The following IL17B variants were observed in gnomAD, a reference collection of about 807,000 sequenced individuals.
The protein encoded by IL17B is interleukin-17B.
IL17B carries 14 observed loss-of-function variants against 14.7 expected under a neutral mutation model. That is an observed-to-expected ratio of 0.95 (90% CI 0.63 to 1.49). The LOEUF is 1.49. IL17B is among the 40% of genes most tolerant of loss of function. IL17B has a pLI of 0.00. For missense variants in IL17B, 233 were observed against 252.8 expected (o/e 0.92, Z 0.53); for synonymous variants, 105 against 94.8 (o/e 1.11, Z -0.62).
At chr5:149,393,178 A>G (rs906594156) in intron 1 of IL17B, among the ~76,000 whole-genome samples, 1 of 152,172 alleles carries the variant, frequency 6.6e-6, no homozygotes, top group South Asian at 2.1e-4. Flanking sequence ...CCAGAAAGTC[A>G]TCCTCTGAGT....
intron 1 of IL17B, among the ~76,000 whole-genome samples, chr5:149,392,090 G>A (rs1758979946): frequency 2.0e-5 from 3 of 152,202 alleles, no homozygotes; most frequent in African/African-American, 7.2e-5. Flanking sequence ...TGAGGGAGGT[G>A]GGTAACGGGA....
At chr5:149,392,987 TGC>T (rs1451019949) in intron 1 of IL17B, among the ~76,000 whole-genome samples, 1 of 121,218 alleles carries the variant, frequency 8.2e-6, no homozygotes, top group Admixed American at 8.1e-5. Context: ...CGTGTGTGTG[TGC>T]GTGTGTGTGC....
intron 1 of IL17B, among the ~76,000 whole-genome samples, chr5:149,394,862 T>C (rs1015755654): frequency 2.6e-5 from 4 of 152,192 alleles, no homozygotes; most frequent in African/African-American, 9.7e-5. Context: ...TATTAAATGT[T>C]CCCATCTTTT....
intron 1 of IL17B, among the ~76,000 whole-genome samples, chr5:149,392,969 CGCGCGTGCGTGT>C (rs1325065911): frequency 2.5e-4 from 14 of 55,934 alleles, no homozygotes; most frequent in Non-Finnish European, 4.9e-4. Context: ...CGTGTGTGTG[CGCGCGTGCGTGT>C]GTGTGTGCGT....
intron 1 of IL17B, among the ~76,000 whole-genome samples, chr5:149,402,315 C>T (rs1347871402): frequency 6.6e-6 from 1 of 152,182 alleles, no homozygotes; most frequent in Non-Finnish European, 1.5e-5. Context: ...GGGCTCCAAG[C>T]CAACCACCCA....
At chr5:149,397,487 T>A (rs2127622642) in intron 1 of IL17B, among the ~76,000 whole-genome samples, 1 of 152,284 alleles carries the variant, frequency 6.6e-6, no homozygotes, top group African/African-American at 2.4e-5. Flanking sequence ...AACTTTTATC[T>A]TTTACCTTAA....
chr5:149,374,281 CAG>C lies in IL17B; in HGVS notation c.*86_*87del. On this transcript the variant is annotated 3_prime_UTR_variant, in exon 3 of 3. Transcript: ENST00000261796. This position sits in a 1 kb window ranked among gnomAD's most constrained non-coding sequence, Gnocchi z 5.0. ...AACCCAAAGTCTTGCTTTCAAAAGTCAGTGTTTACTTTTCATAGGCCTTTCTT... is the reference window on the plus strand; with the variant it reads ...AACCCAAAGTCTTGCTTTCAAAAGTCTGTTTACTTTTCATAGGCCTTTCTT... 1 of 1,289,050 alleles carries C rather than the reference CAG, an allele frequency of 7.8e-7. No homozygotes were observed. Among genetic ancestry groups the C allele is most frequent in the Non-Finnish European group, 1.0e-6 (1 of 954,746 alleles). The allele number at this position is 1,289,050 out of a possible 1,614,324, so 79.9% of individuals were successfully genotyped here.
At chr5:149,388,273 C>G (rs1262174050) in intron 1 of IL17B, among the ~76,000 whole-genome samples, 1 of 152,194 alleles carries the variant, frequency 6.6e-6, no homozygotes. Context: ...GCCCTTCAGT[C>G]TGGCCATCAC....
Position 149,403,602 on chromosome 5 carries a change from A to G in IL17B, n.95+506T>C, listed in dbSNP as rs769923776. Among the ~76,000 whole-genome samples the G allele has an allele frequency of 2.6e-5, 4 of 152,272 alleles. No homozygotes were observed. The Middle Eastern group carries it at 0.014, about 518-fold the overall frequency. On this transcript the variant is annotated intron_variant and non_coding_transcript_variant, in intron 1 of 2. Coordinates refer to the IL17B transcript ENST00000505432. ...CTTTTCAATATAAAATTGTTTCCCAACTGGCCACCTCTGAGCTGAGCCTCC... is the reference window on the plus strand; with the variant it reads ...CTTTTCAATATAAAATTGTTTCCCAGCTGGCCACCTCTGAGCTGAGCCTCC...
chr5:149,403,830 T>C (rs958986525), intron 1 of IL17B, among the ~76,000 whole-genome samples: 1 of 152,214 alleles, frequency 6.6e-6, no homozygotes. Flanking sequence ...CCTTGGTTAG[T>C]TCCACTGGCT....
chr5:149,389,716 C>T (rs189102796), intron 1 of IL17B, among the ~76,000 whole-genome samples: 1 of 152,186 alleles, frequency 6.6e-6, no homozygotes, highest in Non-Finnish European at 1.5e-5. Context: ...ATAAACATTA[C>T]CTTATTAAGG....
intron 1 of IL17B, among the ~76,000 whole-genome samples, chr5:149,401,985 G>A (rs1036437504): frequency 6.6e-6 from 1 of 152,156 alleles, no homozygotes; most frequent in African/African-American, 2.4e-5. Context: ...GGTGCAATTA[G>A]TGTGGCCCGG....
upstream of IL17B, among the ~76,000 whole-genome samples, chr5:149,382,642 C>T (rs1484586102): frequency 6.6e-6 from 1 of 152,260 alleles, no homozygotes; most frequent in Non-Finnish European, 1.5e-5. Flanking sequence ...CTCCTGCACA[C>T]ACTGCTCCCT....
intron 1 of IL17B, among the ~76,000 whole-genome samples, chr5:149,402,928 G>A (rs551600480): frequency 3.0e-4 from 44 of 148,662 alleles, no homozygotes; most frequent in African/African-American, 1.0e-3. Flanking sequence ...GCTTGAACCC[G>A]GGAGGCAGAG....
intron 1 of IL17B, among the ~76,000 whole-genome samples, chr5:149,390,906 G>A (rs1413618733): frequency 2.0e-5 from 3 of 152,032 alleles, no homozygotes; most frequent in African/African-American, 4.8e-5. Flanking sequence ...ATTGTTAGGA[G>A]TTTATGGTCA....
At chr5:149,386,260 C>T (rs941160149) in intron 1 of IL17B, among the ~76,000 whole-genome samples, 3 of 152,134 alleles carry the variant, frequency 2.0e-5, no homozygotes, top group Admixed American at 6.6e-5. Context: ...CTCACAGATG[C>T]GGCTCTCAGC....
At chr5:149,400,824 T>C (rs1195846267) in intron 1 of IL17B, among the ~76,000 whole-genome samples, 1 of 151,804 alleles carries the variant, frequency 6.6e-6, no homozygotes, top group Non-Finnish European at 1.5e-5. Flanking sequence ...AGTCCCAGAG[T>C]CCCAAGGAGC....
At chr5:149,402,315 C>A (rs1347871402) in intron 1 of IL17B, among the ~76,000 whole-genome samples, 1 of 152,182 alleles carries the variant, frequency 6.6e-6, no homozygotes, top group African/African-American at 2.4e-5. Flanking sequence ...GGGCTCCAAG[C>A]CAACCACCCA....
intron 1 of IL17B, among the ~76,000 whole-genome samples, chr5:149,389,502 T>C (rs1028579864): frequency 2.0e-5 from 3 of 152,254 alleles, no homozygotes; most frequent in Non-Finnish European, 4.4e-5. Context: ...GAAAAGAGAC[T>C]GATAGAGTGT....
Sources: gnomAD v4.1 joint callset for allele counts (sites outside exome capture counted in the v4.1 genomes callset) on GRCh38, gnomAD v4.1.1 for gene constraint, Gnocchi (gnomAD v3.1) non-coding constraint, MANE v1.5 for transcripts, NCBI Gene and HGNC (gene_info 2026-07-23, HGNC 2026-07-21) for gene names.